LGI1: variants seen among roughly 807,000 people sequenced by gnomAD.
LGI1 encodes leucine rich glioma inactivated 1, also known as leucine-rich glioma-inactivated protein 1.
A neutral mutation model predicts 57.7 loss-of-function variants in LGI1; 11 were observed. The observed-to-expected ratio is 0.19, with a 90% CI of 0.12 to 0.32. The LOEUF (loss-of-function observed/expected upper bound fraction) is 0.32, where lower values mean the gene tolerates loss of function less well. LGI1 is among the 10% of genes least tolerant of loss of function. LGI1 has a pLI of 1.00. For missense variants in LGI1, 422 were observed against 661.9 expected, an observed-to-expected ratio of 0.64 and a Z score of 3.98; for synonymous variants, 222 against 241.9, an observed-to-expected ratio of 0.92 and a Z score of 0.76.
At chr10:93,795,720 A>C (rs2059974571) in intron 7 of LGI1, among the ~76,000 whole-genome samples, 1 of 152,218 alleles carries the variant, frequency 6.6e-6, no homozygotes, top group Non-Finnish European at 1.5e-5. Flanking sequence ...AGTTCCCCAG[A>C]CAATCACACG....
intron 2 of LGI1, chr10:93,770,447 A>G (rs11187653): frequency 0.081 from 12,326 of 152,342 alleles, 1,169 homozygotes; most frequent in African/African-American, 0.23. Flanking sequence ...GTATTTGGGC[A>G]GCCTTACCCT....
intron 4 of LGI1, among the ~76,000 whole-genome samples, chr10:93,780,906 G>A (rs568582629): frequency 1.3e-5 from 2 of 152,240 alleles, no homozygotes; most frequent in Admixed American, 1.3e-4. Context: ...TATACTTTCA[G>A]GTCCAGCTGG....
intron 2 of LGI1, among the ~76,000 whole-genome samples, chr10:93,776,501 C>T (rs979618749): frequency 5.3e-5 from 8 of 152,192 alleles, no homozygotes; most frequent in South Asian, 2.1e-4. Context: ...ACAGGTTCAG[C>T]GGTGAATTCA....
intron 2 of LGI1, chr10:93,769,968 A>C (rs925627622): frequency 2.0e-5 from 3 of 152,272 alleles, no homozygotes; most frequent in African/African-American, 7.2e-5. Flanking sequence ...GAAGAAGTAC[A>C]TGTCATTAGA....
intron 2 of LGI1, among the ~76,000 whole-genome samples, chr10:93,775,013 G>A (rs2059779158): frequency 6.6e-6 from 1 of 152,122 alleles, no homozygotes; most frequent in Admixed American, 6.5e-5. Flanking sequence ...TTAGCATTGA[G>A]AGATTATGGT....
chr10:93,794,920 C>G (rs2059967288), intron 7 of LGI1: 1 of 152,080 alleles, frequency 6.6e-6, no homozygotes, highest in Admixed American at 6.6e-5. Flanking sequence ...CTGGGGCTTG[C>G]TTGAGGCTGG....
chr10:93,767,995 G>C (rs963053244), intron 2 of LGI1: 1 of 152,116 alleles, frequency 6.6e-6, no homozygotes, highest in East Asian at 1.9e-4. Flanking sequence ...TAAAAGAGTC[G>C]CATTGTCAAT....
chr10:93,787,758 T>G (rs1564849238), intron 4 of LGI1, among the ~76,000 whole-genome samples: 1 of 151,860 alleles, frequency 6.6e-6, no homozygotes, highest in East Asian at 1.9e-4. Context: ...TAAAAAAAAC[T>G]TAGTTGGGCA....
chr10:93,774,229 G>C (rs1251046499), intron 2 of LGI1, among the ~76,000 whole-genome samples: 1 of 151,980 alleles, frequency 6.6e-6, no homozygotes. Context: ...GAGTCTCCTA[G>C]GGAGCTTTTT....
intron 2 of LGI1, among the ~76,000 whole-genome samples, chr10:93,774,601 C>T (rs1349659698): frequency 6.6e-6 from 1 of 152,162 alleles, no homozygotes; most frequent in Admixed American, 6.5e-5. Context: ...TAGCCCAACT[C>T]ACCTTTTTAA....
intron 2 of LGI1, chr10:93,769,675 A>G (rs2059715129): frequency 1.3e-5 from 2 of 152,356 alleles, no homozygotes; most frequent in Non-Finnish European, 2.9e-5. Context: ...ATGTGTAAAC[A>G]TACAATAATA....
intron 2 of LGI1, among the ~76,000 whole-genome samples, chr10:93,761,404 G>A (rs189175046): frequency 1.1e-4 from 17 of 152,310 alleles, no homozygotes; most frequent in South Asian, 4.1e-4. Context: ...CTTGATTGAC[G>A]TAGGAAGACA....
At chr10:93,763,429 T>C (rs2059644376) in intron 2 of LGI1, 1 of 152,272 alleles carries the variant, frequency 6.6e-6, no homozygotes, top group African/African-American at 2.4e-5. Context: ...GGTGCTTGTA[T>C]CTGCCTTGTG....
At chr10:93,783,987 G>C (rs549883305) in intron 4 of LGI1, among the ~76,000 whole-genome samples, 1 of 152,254 alleles carries the variant, frequency 6.6e-6, no homozygotes, top group South Asian at 2.1e-4. Context: ...ATTCCAGCCT[G>C]GGTGACAGAG....
chr10:93,778,345 TCACACACACACA>T (rs60017902), intron 4 of LGI1, among the ~76,000 whole-genome samples: 63,204 of 148,626 alleles, frequency 0.43, 13,355 homozygotes, highest in East Asian at 0.49. Flanking sequence ...ACAAACACAT[TCACACACACACA>T]CACACACACA....
intron 2 of LGI1, among the ~76,000 whole-genome samples, chr10:93,760,943 G>A (rs2059617006): frequency 6.6e-6 from 1 of 152,146 alleles, no homozygotes; most frequent in African/African-American, 2.4e-5. Context: ...TGCCAGAGCT[G>A]AACTTATGCA....
chr10:93,776,943 T>C (rs1045371318), intron 2 of LGI1: 23 of 233,662 alleles, frequency 9.8e-5, no homozygotes, highest in African/African-American at 4.9e-4. Flanking sequence ...CAACCAGGCA[T>C]GCAGCTTACT....
intron 4 of LGI1, among the ~76,000 whole-genome samples, chr10:93,781,308 G>C (rs535776354): frequency 1.3e-5 from 2 of 152,154 alleles, no homozygotes; most frequent in Admixed American, 6.5e-5. Context: ...GCAGTGAGCC[G>C]AGATCACGCC....
At chr10:93,759,363 C>A (rs376087683) in intron 2 of LGI1, 4 of 163,554 alleles carry the variant, frequency 2.4e-5, no homozygotes, top group South Asian at 3.3e-4. Context: ...AGTTCCATTA[C>A]AAGGAGGGAA....
Sources: allele counts gnomAD v4.1 joint callset (sites outside exome capture counted in the v4.1 genomes callset), GRCh38; gene constraint gnomAD v4.1.1; transcripts MANE v1.5; gene names NCBI Gene and HGNC (gene_info 2026-07-23, HGNC 2026-07-21).